SMYD3: variants seen among roughly 807,000 people sequenced by gnomAD.
SMYD3 encodes the protein SET and MYND domain containing 3.
Under a neutral mutation model 57.7 loss-of-function variants are expected in SMYD3, and 36 were observed. The ratio of observed to expected loss-of-function variants is 0.62; its 90% confidence interval spans 0.48 to 0.82. The LOEUF (loss-of-function observed/expected upper bound fraction) is 0.82. SMYD3 is among the 40% of genes least tolerant of loss of function. SMYD3 has a pLI of 0.00. For synonymous variants in SMYD3, 211 were observed against 195.0 expected (o/e 1.08, Z -0.68); for missense variants, 515 against 538.8 (o/e 0.96, Z 0.44).
chr1:246,239,463 T>C (rs1437566247), intron 5 of SMYD3, among the ~76,000 whole-genome samples: 4 of 152,222 alleles, frequency 2.6e-5, no homozygotes, highest in South Asian at 2.1e-4. Context: ...TTCCATGGCG[T>C]ATATGTGCCA....
At chr1:246,454,864 T>C (rs1297115094) in intron 1 of SMYD3, among the ~76,000 whole-genome samples, 2 of 152,184 alleles carry the variant, frequency 1.3e-5, no homozygotes, top group East Asian at 1.9e-4. Context: ...ATCAAGTTTG[T>C]GACTGAAAAT....
chr1:246,436,939 G>A (rs564544030), intron 1 of SMYD3, among the ~76,000 whole-genome samples: 4 of 132,404 alleles, frequency 3.0e-5, no homozygotes, highest in East Asian at 4.8e-4. Flanking sequence ...TTTCACTCTC[G>A]CCCAGACTGA....
intron 10 of SMYD3, among the ~76,000 whole-genome samples, chr1:245,830,694 C>T (rs190680082): frequency 1.3e-5 from 2 of 152,096 alleles, no homozygotes; most frequent in African/African-American, 2.4e-5. Context: ...GAAAGCTTAG[C>T]GATAACAGAT....
At chr1:246,375,865 G>C (rs1235173927) in intron 1 of SMYD3, among the ~76,000 whole-genome samples, 8 of 152,024 alleles carry the variant, frequency 5.3e-5, no homozygotes, top group African/African-American at 1.9e-4. Context: ...AAGTAGCTGG[G>C]ATTACAGGTG....
chr1:245,866,256 T>C (rs568021989), intron 8 of SMYD3, among the ~76,000 whole-genome samples: 87 of 152,206 alleles, frequency 5.7e-4, no homozygotes, highest in African/African-American at 2.1e-3. Flanking sequence ...TATGAGGAGA[T>C]AGGAGCACTT....
intron 7 of SMYD3, among the ~76,000 whole-genome samples, chr1:245,916,881 T>C (rs1464369221): frequency 6.6e-6 from 1 of 152,174 alleles, no homozygotes; most frequent in East Asian, 1.9e-4. Context: ...CAAGTGCAAT[T>C]CAAAGTATGG....
chr1:246,035,311 A>G (rs1273287123), intron 5 of SMYD3: 1 of 152,204 alleles, frequency 6.6e-6, no homozygotes, highest in East Asian at 1.9e-4. Flanking sequence ...TATGATCTCA[A>G]TGCCATCTTG....
At chr1:246,505,596 T>C (rs1267676123) in intron 1 of SMYD3, among the ~76,000 whole-genome samples, 1 of 152,240 alleles carries the variant, frequency 6.6e-6, no homozygotes, top group African/African-American at 2.4e-5. Flanking sequence ...AGTCAAGTCT[T>C]GGCAGACTTT....
intron 1 of SMYD3, among the ~76,000 whole-genome samples, chr1:246,497,784 T>C (rs571952284): frequency 3.0e-4 from 45 of 152,022 alleles, no homozygotes; most frequent in African/African-American, 1.1e-3. Context: ...GAGGATCACT[T>C]GAGCCCAGGA....
intron 1 of SMYD3, among the ~76,000 whole-genome samples, chr1:246,434,998 T>A (rs2067349783): frequency 6.6e-6 from 1 of 152,158 alleles, no homozygotes; most frequent in Non-Finnish European, 1.5e-5. Flanking sequence ...AAGAACAAAA[T>A]CATGTCCTTT....
intron 9 of SMYD3, among the ~76,000 whole-genome samples, chr1:245,862,050 C>A (rs2051577373): frequency 6.6e-6 from 1 of 151,742 alleles, no homozygotes; most frequent in African/African-American, 2.4e-5. Flanking sequence ...CATAAAGGCT[C>A]TTTGAGCCCA....
At chr1:246,425,935 T>C (rs1056950947) in intron 1 of SMYD3, 3 of 152,196 alleles carry the variant, frequency 2.0e-5, no homozygotes, top group Admixed American at 6.5e-5. Flanking sequence ...TAAAGTTTAA[T>C]TGCTGAGTAT....
chr1:245,992,371 G>C (rs1482247884), intron 5 of SMYD3, among the ~76,000 whole-genome samples: 6 of 152,264 alleles, frequency 3.9e-5, no homozygotes, highest in African/African-American at 1.2e-4. Flanking sequence ...GAGTGCCCAA[G>C]GGTGTGAACC....
rs566351292 is a variant in SMYD3, at chr1:246,207,475, G to A, written c.531+119726C>T. ...TTATTTCCATCTAAATACAGCATAAGGAGTGAAAAAGGTCAATGGACTGGG... is the reference window on the plus strand; with the variant it reads ...TTATTTCCATCTAAATACAGCATAAAGAGTGAAAAAGGTCAATGGACTGGG... On this transcript the variant is annotated intron_variant, in intron 5 of 11. Coordinates refer to ENST00000490107, the MANE Select transcript of SMYD3 (RefSeq NM_001167740.2). Among the ~76,000 whole-genome samples the A allele has an allele frequency of 9.2e-5, 14 of 152,208 alleles. No individual in the cohort carries two copies. In the East Asian group the frequency reaches 2.7e-3, roughly 29 times the overall value.
chr1:245,807,351 G>C (rs1259624356), intron 10 of SMYD3, among the ~76,000 whole-genome samples: 2 of 146,050 alleles, frequency 1.4e-5, no homozygotes. Context: ...TACCAACAAA[G>C]AAAAAAAAAA....
chr1:246,390,064 A>G (rs2066533505), intron 1 of SMYD3, among the ~76,000 whole-genome samples: 1 of 152,028 alleles, frequency 6.6e-6, no homozygotes, highest in Admixed American at 6.6e-5. Flanking sequence ...GGAGACAAAA[A>G]GGGAAAAACC....
rs1434053575 is a variant in SMYD3, at chr1:245,793,084, G to C, written c.1077-28935C>G. Among the ~76,000 whole-genome samples the C allele has an allele frequency of 2.7e-4, 39 of 146,562 alleles. 1 individual carries two copies. The East Asian group carries it at 3.2e-3, about 12-fold the overall frequency. ...CCAGCACTTTGGGAGGCCGAGGCGG[G>C]TGATCACGAAATCAGGAGATCAAGA... On this transcript the variant is annotated intron_variant, in intron 10 of 11. Transcript: ENST00000490107.
rs149050088 is a variant in SMYD3, at chr1:245,888,956, A to G, written c.814-25070T>C. ...ATTACATACTCCCTGTAGCTTACCA[A>G]TGCCACCAATTCCCCAGCTTCATTC... On this transcript the variant is annotated intron_variant, in intron 8 of 11. Transcript: ENST00000490107. Among the ~76,000 whole-genome samples the G allele has an allele frequency of 3.0e-3, 455 of 152,290 alleles. 6 individuals carry two copies. Among genetic ancestry groups the G allele is most frequent in the African/African-American group, 0.01 (427 of 41,564 alleles).
intron 5 of SMYD3, among the ~76,000 whole-genome samples, chr1:246,265,776 C>T (rs760273430): frequency 3.9e-5 from 6 of 152,276 alleles, no homozygotes; most frequent in African/African-American, 1.2e-4. Context: ...TTTGAACCAA[C>T]GGATCAACAG....
Sources: allele counts gnomAD v4.1 joint callset (sites outside exome capture counted in the v4.1 genomes callset), GRCh38; gene constraint gnomAD v4.1.1; transcripts MANE v1.5; gene names NCBI Gene and HGNC (gene_info 2026-07-23, HGNC 2026-07-21).